The following DNAJC13 variants were observed in gnomAD, a reference collection of about 807,000 sequenced individuals.
DNAJC13 encodes the protein DnaJ heat shock protein family (Hsp40) member C13.
In DNAJC13, 75 loss-of-function variants were observed where a neutral mutation model predicts 290.5. The observed-to-expected ratio is 0.26, with a 90% CI of 0.21 to 0.31. DNAJC13 has a LOEUF of 0.31. DNAJC13 is among the 10% of genes least tolerant of loss of function. The pLI, the probability that DNAJC13 is intolerant of heterozygous loss-of-function variation, is 1.00. For missense variants in DNAJC13, 2,260 were observed against 2,674.5 expected, an observed-to-expected ratio of 0.85 and a Z score of 3.42; for synonymous variants, 862 against 892.0, an observed-to-expected ratio of 0.97 and a Z score of 0.60.
intron 55 of DNAJC13, among the ~76,000 whole-genome samples, chr3:132,537,585 T>A (rs1484549480): frequency 6.6e-6 from 1 of 152,226 alleles, no homozygotes; most frequent in African/African-American, 2.4e-5. Context: ...AAGGGAGAAA[T>A]ATAAGACTAA....
Position 132,463,683 on chromosome 3 carries a change from C to T in DNAJC13, c.1771-13C>T, listed in dbSNP as rs374648514. On this transcript the variant is annotated splice_polypyrimidine_tract_variant and intron_variant, in intron 16 of 55. Coordinates refer to ENST00000260818, the MANE Select transcript of DNAJC13 (RefSeq NM_015268.4). ...ATTGCCACCTTAGGGATCATCTTAC[C>T]CTTTTTCCAAAGGAAGGTGATAAAG... 9 of 1,610,052 alleles carry T rather than the reference C, an allele frequency of 5.6e-6. No homozygotes were observed. The highest frequency in any genetic ancestry group is 5.9e-6 in the Non-Finnish European group (7 of 1,177,750).
chr3:132,484,004 G>A (rs1934771028), intron 28 of DNAJC13, among the ~76,000 whole-genome samples: 2 of 152,094 alleles, frequency 1.3e-5, no homozygotes, highest in Admixed American at 1.3e-4. Flanking sequence ...CAAGTCATAA[G>A]GATAACACTT....
At chr3:132,441,315 A>C (rs1933061788) in intron 2 of DNAJC13, among the ~76,000 whole-genome samples, 2 of 152,238 alleles carry the variant, frequency 1.3e-5, no homozygotes, top group Admixed American at 1.3e-4. Context: ...CAATACCGGG[A>C]CATGAATAGA....
At position 132,446,505 on chromosome 3, in the gene DNAJC13, T is replaced by C; in HGVS notation, c.99T>C (p.His33=). 6.2e-7 allele frequency: 1 copy of C among 1,609,520 alleles called. No individual in the cohort carries two copies. The highest frequency in any genetic ancestry group is 1.1e-5 in the South Asian group (1 of 90,080). Residue 33 remains histidine, a synonymous_variant, in exon 3 of 56, where the codon CAT becomes CAC. Transcript: ENST00000260818. ...KYKRVFSVGT[H]AITTYNPNTL... The stretch of plus-strand genomic sequence containing the variant: ...AGCGTGTCTTTTCAGTTGGAACTCA[T>C]GCGATTACTACATATAATCCCAATA...
In DNAJC13 at chr3:132,490,920, G is replaced by A; in HGVS notation, c.3492G>A (p.Gln1164=). 2 of 1,596,120 alleles carry A rather than the reference G, an allele frequency of 1.3e-6. No homozygotes were observed. Among genetic ancestry groups the A allele is most frequent in the Middle Eastern group, 1.7e-4 (1 of 5,828 alleles). The change falls in exon 32 of 56, where the codon CAG becomes CAA. Residue 1164 remains glutamine (Q), a synonymous_variant. Transcript: ENST00000260818. ...AGACAAAAGGACAAGATATTTTTCA[G>A]AGAAGTATACTTGGGCACATTCTAC... ...SEETKGQDIF[Q]RSILGHILPE...
At position 132,478,033 on chromosome 3, in the gene DNAJC13, A is replaced by G. The variant is rs769687331; in HGVS notation, c.2602A>G (p.Asn868Asp). ...TCGCTTCTTGCTCACCCCAAAAGTA[A>G]ACATGAAGTGTTTATGTTTACAAGC... ...YHRFLLTPKV[N>D]MKCLCLQALA... Residue 868 changes from asparagine (N) to aspartate (D), a missense_variant, in exon 24 of 56, where the codon AAC (asparagine) becomes GAC (aspartate). Physicochemically the swap from Asn to Asp is conservative, Grantham distance 23. This residue lies in a region of DNAJC13 where 1,494 missense variants were observed against 1,693.7 expected (regional missense o/e 0.88). Transcript: ENST00000260818. The G allele has an allele frequency of 1.2e-6, 2 of 1,613,412 alleles. No individual in the cohort carries two copies. Among genetic ancestry groups the G allele is most frequent in the South Asian group, 1.1e-5 (1 of 90,848 alleles).
At chr3:132,494,542 C>G (rs1935170213) in intron 34 of DNAJC13, among the ~76,000 whole-genome samples, 1 of 152,116 alleles carries the variant, frequency 6.6e-6, no homozygotes, top group Non-Finnish European at 1.5e-5. Context: ...GGTAGCCATT[C>G]ACATGTTCAT....
chr3:132,467,602 A>C (rs1020965032), intron 20 of DNAJC13, among the ~76,000 whole-genome samples: 1 of 152,064 alleles, frequency 6.6e-6, no homozygotes, highest in African/African-American at 2.4e-5. Flanking sequence ...AGTAGCTGGG[A>C]CTACAGGCAC....
intron 17 of DNAJC13, among the ~76,000 whole-genome samples, chr3:132,464,866 T>C (rs1382214095): frequency 1.3e-5 from 2 of 152,312 alleles, no homozygotes; most frequent in East Asian, 3.9e-4. Flanking sequence ...ATTAGTGTAT[T>C]AGGGAAGCAT....
intron 40 of DNAJC13, 149 bp downstream of exon 40, chr3:132,502,617 T>A: frequency 1.5e-6 from 1 of 677,038 alleles, no homozygotes; most frequent in Non-Finnish European, 2.2e-6. Context: ...CCTAATCACT[T>A]ACTTACAAAA....
intron 55 of DNAJC13, among the ~76,000 whole-genome samples, chr3:132,534,276 C>G (rs1936521868): frequency 6.6e-6 from 1 of 152,210 alleles, no homozygotes; most frequent in Non-Finnish European, 1.5e-5. Flanking sequence ...TTGTGAAATT[C>G]TGAGCATGTT....
At chr3:132,509,287 G>A (rs1475762919) in intron 43 of DNAJC13, among the ~76,000 whole-genome samples, 1 of 152,214 alleles carries the variant, frequency 6.6e-6, no homozygotes, top group Non-Finnish European at 1.5e-5. Context: ...CAAGATTCCA[G>A]TGGAGGAAGT....
In DNAJC13 at chr3:132,523,628, C is replaced by A; in HGVS notation, c.5975C>A (p.Pro1992Gln). Residue 1992 changes from proline to glutamine, a missense_variant, in exon 51 of 56, where the codon CCA (proline) becomes CAA (glutamine). Physicochemically the swap from Pro to Gln is moderately conservative, Grantham distance 76. This residue lies in a region of DNAJC13 where 1,494 missense variants were observed against 1,693.7 expected (regional missense o/e 0.88). Coordinates refer to ENST00000260818, the MANE Select transcript of DNAJC13 (RefSeq NM_015268.4). Reference protein sequence around the residue: ...GVFLRIFIAQPAWVLRKPREF... With the variant: ...GVFLRIFIAQQAWVLRKPREF... ...TTCTTGAGGATCTTTATTGCACAAC[C>A]AGCCTGGGTTCTAAGAAAGCCTAGA... The A allele has an allele frequency of 6.2e-7, 1 of 1,614,060 alleles. No homozygotes were observed. Among genetic ancestry groups the A allele is most frequent in the Non-Finnish European group, 8.5e-7 (1 of 1,179,966 alleles).
In DNAJC13 at chr3:132,509,634, C is replaced by T. The variant is rs112338727; in HGVS notation, c.5116-1433C>T. On this transcript the variant is annotated intron_variant, in intron 43 of 55. Transcript: ENST00000260818. ...AGAAATCTTTCATGAAAGGAAGAGT[C>T]AGCTGATAGAGCAGACTTCTTTGTT... Among the ~76,000 whole-genome samples the T allele has an allele frequency of 6.0e-3, 909 of 152,290 alleles. 9 individuals are homozygous for T. The highest frequency in any genetic ancestry group is 0.03 in the East Asian group (153 of 5,178).
chr3:132,486,721 A>G (rs1934890452), intron 29 of DNAJC13, among the ~76,000 whole-genome samples: 1 of 152,148 alleles, frequency 6.6e-6, no homozygotes, highest in Non-Finnish European at 1.5e-5. Context: ...TGGGAATGTT[A>G]TCTTCATCGG....
intron 20 of DNAJC13, among the ~76,000 whole-genome samples, chr3:132,471,120 AC>A (rs1159318431): frequency 3.8e-5 from 4 of 105,270 alleles, no homozygotes; most frequent in African/African-American, 7.1e-5. Flanking sequence ...GGGGGGGCTG[AC>A]CCCCCCATCT....
chr3:132,473,624 G>A (rs1203893623), intron 21 of DNAJC13, among the ~76,000 whole-genome samples: 2 of 151,944 alleles, frequency 1.3e-5, no homozygotes, highest in African/African-American at 4.8e-5. Flanking sequence ...TATCAAATGT[G>A]GTAACCTCTT....
rs10576541 is a variant in DNAJC13, at chr3:132,427,075, ATGTGTGTGTG to A, written c.-13-7444_-13-7435del. 6.3e-3 allele frequency among the ~76,000 whole-genome samples: 887 copies of A among 140,806 alleles called. 5 individuals carry two copies. The highest frequency in any genetic ancestry group is 0.012 in the African/African-American group (442 of 37,348). The allele number at this position is 140,806 out of a possible 152,430, so 92.4% of individuals were successfully genotyped here. A position where few individuals can be genotyped will look rare whatever the true frequency, so the allele number is the denominator to read the frequency against. Reference sequence around the variant, plus strand: ...ATTATCTTGGTGTTTATATATACATATGTGTGTGTGTGTGTGTGTGTGTGTGTGCACGTGT... The same window carrying A: ...ATTATCTTGGTGTTTATATATACATATGTGTGTGTGTGTGTGTGCACGTGT... On this transcript the variant is annotated intron_variant, in intron 1 of 55. Transcript: ENST00000260818.
intron 33 of DNAJC13, among the ~76,000 whole-genome samples, chr3:132,492,844 G>C (rs1935108627): frequency 6.6e-6 from 1 of 151,892 alleles, no homozygotes; most frequent in Admixed American, 6.6e-5. Context: ...TTGATCTTTT[G>C]TGGCAAAGAC....
Sources: gnomAD v4.1 joint callset for allele counts (sites outside exome capture counted in the v4.1 genomes callset) on GRCh38, gnomAD v4.1.1 for gene constraint, gnomAD v4.1.1 regional missense constraint, MANE v1.5 for transcripts, NCBI Gene and HGNC (gene_info 2026-07-23, HGNC 2026-07-21) for gene names.